SLC22A23: variants seen among roughly 807,000 people sequenced by gnomAD.
The protein encoded by SLC22A23 is ion transporter protein.
Under a neutral mutation model 61.0 loss-of-function variants are expected in SLC22A23, and 26 were observed. That is an observed-to-expected ratio of 0.43 (90% confidence interval 0.31 to 0.59). The LOEUF (loss-of-function observed/expected upper bound fraction) is 0.59, where lower values mean the gene tolerates loss of function less well. Among genes scored for constraint, SLC22A23 ranks in the 20% least tolerant of loss-of-function variants. The pLI, the probability that SLC22A23 is intolerant of heterozygous loss-of-function variation, is 0.11. For missense variants in SLC22A23, 796 were observed against 934.7 expected (o/e 0.85, Z 1.94); for synonymous variants, 430 against 413.9 (o/e 1.04, Z -0.47).
At chr6:3,289,970 G>GGA (rs778248728) in intron 5 of SLC22A23, 104 bp from the exon 6 acceptor site, 3 of 775,456 alleles carry the variant, frequency 3.9e-6, no homozygotes, top group Non-Finnish European at 6.4e-6. Context: ...ACCACAGAAG[G>GGA]GAGAGAGAAG....
At chr6:3,302,073 TTC>T (rs1761652455) in intron 4 of SLC22A23, among the ~76,000 whole-genome samples, 1 of 152,250 alleles carries the variant, frequency 6.6e-6, no homozygotes, top group Non-Finnish European at 1.5e-5. Flanking sequence ...TCCTGGACTT[TTC>T]TTTTTTGGAA....
chr6:3,392,292 G>C (rs1767714254), intron 3 of SLC22A23, among the ~76,000 whole-genome samples: 1 of 152,314 alleles, frequency 6.6e-6, no homozygotes, highest in Admixed American at 6.5e-5. Flanking sequence ...AAGGGGCCTG[G>C]GCTCCCAGTG....
chr6:3,278,952 C>T (rs1391551833), intron 9 of SLC22A23, among the ~76,000 whole-genome samples: 1 of 152,152 alleles, frequency 6.6e-6, no homozygotes, highest in Non-Finnish European at 1.5e-5. Context: ...TACAGACCCC[C>T]AGGAGGGGTG....
chr6:3,273,435 G>T, intron 9 of SLC22A23, 23 bp from the exon 10 acceptor site: 11 of 1,609,422 alleles, frequency 6.8e-6, no homozygotes, highest in Non-Finnish European at 9.3e-6. Context: ...GGAAGCACAG[G>T]GATTGCTGCT....
At chr6:3,323,054 A>G (rs953270980) in intron 4 of SLC22A23, among the ~76,000 whole-genome samples, 4 of 114,022 alleles carry the variant, frequency 3.5e-5, no homozygotes, top group Non-Finnish European at 7.6e-5. Context: ...TTCCCTGGAG[A>G]GTTTTTTAAA....
intron 3 of SLC22A23, among the ~76,000 whole-genome samples, chr6:3,374,731 C>T (rs140228749): frequency 7.9e-5 from 12 of 152,302 alleles, no homozygotes; most frequent in African/African-American, 2.9e-4. Flanking sequence ...AAGGAGCTGA[C>T]AAGTTGCTGC....
At chr6:3,394,172 C>A (rs1448261402) in intron 3 of SLC22A23, among the ~76,000 whole-genome samples, 2 of 152,104 alleles carry the variant, frequency 1.3e-5, no homozygotes, top group Admixed American at 6.5e-5. Context: ...AAAGAGGGAT[C>A]GGGCACTGTA....
At chr6:3,418,363 G>T (rs1050591707) in intron 1 of SLC22A23, among the ~76,000 whole-genome samples, 1 of 152,274 alleles carries the variant, frequency 6.6e-6, no homozygotes, top group Non-Finnish European at 1.5e-5. Flanking sequence ...GGAGGCAGAA[G>T]AAATTTTAAT....
chr6:3,312,831 G>GTGCACATCTGTACATGTGCACACA (rs1762438326), intron 4 of SLC22A23: 1 of 152,352 alleles, frequency 6.6e-6, no homozygotes. Context: ...GTGCACACAC[G>GTGCACATCTGTACATGTGCACACA]TGCACATCTG....
chr6:3,445,850 G>A (rs1022245936), intron 1 of SLC22A23, among the ~76,000 whole-genome samples: 2 of 152,086 alleles, frequency 1.3e-5, no homozygotes, highest in African/African-American at 4.8e-5. Context: ...GGAAAGACAT[G>A]TGGGGCTCAG....
At chr6:3,350,410 G>T (rs945076827) in intron 3 of SLC22A23, among the ~76,000 whole-genome samples, 1 of 152,220 alleles carries the variant, frequency 6.6e-6, no homozygotes, top group Non-Finnish European at 1.5e-5. Flanking sequence ...ACCAAAAGAT[G>T]AATAATATCT....
At position 3,372,480 on chromosome 6, in the gene SLC22A23, A is replaced by G. The variant is rs1157527294; in HGVS notation, c.913+37708T>C. 6.6e-6 allele frequency among the ~76,000 whole-genome samples: 1 copy of G among 152,200 alleles called. No individual in the cohort carries two copies. Among genetic ancestry groups the G allele is most frequent in the Non-Finnish European group, 1.5e-5 (1 of 68,028 alleles). On this transcript the variant is annotated intron_variant, in intron 3 of 9. Coordinates refer to ENST00000406686, the MANE Select transcript of SLC22A23 (RefSeq NM_015482.2). This position sits in a 1 kb window ranked among gnomAD's most constrained non-coding sequence, Gnocchi z 4.7. ...AGAAGTCCAGGGAGATCTTTCTTAC[A>G]CTTGAGCTTTACTGTCTTGTGTGGA...
chr6:3,279,106 CTATGTA>C (rs1258246154), intron 9 of SLC22A23, among the ~76,000 whole-genome samples: 2 of 152,132 alleles, frequency 1.3e-5, no homozygotes, highest in African/African-American at 2.4e-5. Flanking sequence ...AGAAAAATGT[CTATGTA>C]TATGTATATA....
Position 3,291,889 on chromosome 6 carries a change from A to T in SLC22A23, c.1211-2023T>A. The T allele has an allele frequency of 1.3e-5, 2 of 152,318 alleles. 1 individual carries two copies. The highest frequency in any genetic ancestry group is 6.8e-3 in the Middle Eastern group (2 of 294). 9.4% of individuals were successfully genotyped at this position (152,318 alleles called of 1,614,324 possible). On this transcript the variant is annotated intron_variant, in intron 5 of 9. Transcript: ENST00000406686. ...GTATATACCCCAAACTGAACTCCTGATATGTTATTGTTTACTAAGTATGAT... is the reference window on the plus strand; with the variant it reads ...GTATATACCCCAAACTGAACTCCTGTTATGTTATTGTTTACTAAGTATGAT...
rs767333215 is a variant in SLC22A23, at chr6:3,286,872, G to A, written c.1533C>T (p.Leu511=). 43 of 1,600,344 alleles carry A rather than the reference G, an allele frequency of 2.7e-5. 1 individual carries two copies. The highest frequency in any genetic ancestry group is 1.7e-4 in the South Asian group (15 of 89,004). ...CGACCCACTCACGGTTGAGGAGGCC[G>A]AGCTGCAGGAGTGAGGCCAGGGCGG... The part of the protein sequence containing the change: ...ILTALASLLQ[L]GLLNLIGKYS... Residue 511 remains leucine, a synonymous_variant, in exon 7 of 10, where the codon CTC becomes CTT. Coordinates refer to ENST00000406686, the MANE Select transcript of SLC22A23 (RefSeq NM_015482.2). This position sits in a 1 kb window ranked among gnomAD's most constrained non-coding sequence, Gnocchi z 4.2.
intron 4 of SLC22A23, 173 bp downstream of exon 4, chr6:3,323,661 A>T: frequency 1.3e-6 from 1 of 767,046 alleles, no homozygotes; most frequent in Non-Finnish European, 2.1e-6. Context: ...CAGTTTTCCA[A>T]GACAGAAAGT....
chr6:3,271,064 A>G lies in SLC22A23; in HGVS notation c.*1991T>C, dbSNP rs45629235. 0.09 allele frequency: 13,698 copies of G among 152,444 alleles called. 720 individuals carry two copies. Among genetic ancestry groups the G allele is most frequent in the Middle Eastern group, 0.17 (51 of 294 alleles). The allele number at this position is 152,444 out of a possible 1,614,324, so 9.4% of individuals were successfully genotyped here. Reference sequence around the variant, plus strand: ...CTACTGGATAGGTCCTATTCTGTACATAATGGGGGTTTGTTGACAGGTGGC... The same window carrying G: ...CTACTGGATAGGTCCTATTCTGTACGTAATGGGGGTTTGTTGACAGGTGGC... On this transcript the variant is annotated 3_prime_UTR_variant, in exon 10 of 10. Transcript: ENST00000406686.
In SLC22A23 at chr6:3,407,007, C is replaced by T. The variant is rs575691701; in HGVS notation, c.913+3181G>A. On this transcript the variant is annotated intron_variant, in intron 3 of 9. Coordinates refer to ENST00000406686, the MANE Select transcript of SLC22A23 (RefSeq NM_015482.2). ...CAAAAATCATTACTTTCCCTACTTA[C>T]ATTGCCAAGCACCTGCAAGACTAAA... 2.6e-5 allele frequency among the ~76,000 whole-genome samples: 4 copies of T among 152,330 alleles called. No homozygotes were observed. In the Middle Eastern group the frequency reaches 0.01, roughly 389 times the overall value.
intron 1 of SLC22A23, among the ~76,000 whole-genome samples, chr6:3,424,063 A>G (rs1770319268): frequency 6.6e-6 from 1 of 152,078 alleles, no homozygotes; most frequent in Non-Finnish European, 1.5e-5. Context: ...CATTCCCTTT[A>G]TGGCTGGAGT....
Sources: allele counts gnomAD v4.1 joint callset (sites outside exome capture counted in the v4.1 genomes callset), GRCh38; gene constraint gnomAD v4.1.1; non-coding constraint Gnocchi (gnomAD v3.1); transcripts MANE v1.5; gene names NCBI Gene and HGNC (gene_info 2026-07-23, HGNC 2026-07-21).